NUTF2: variants seen among roughly 807,000 people sequenced by gnomAD.
NUTF2 encodes nuclear transport factor 2, also known as placental protein 15.
In NUTF2, 3 loss-of-function variants were observed where a neutral mutation model predicts 18.5. That is an observed-to-expected ratio of 0.16 (90% CI 0.07 to 0.42). The LOEUF is 0.42. Ranked by LOEUF, NUTF2 falls within the 10% of genes least tolerant of loss-of-function variation. NUTF2 has a pLI of 0.99. For synonymous variants in NUTF2, 51 were observed against 57.9 expected, an observed-to-expected ratio of 0.88 and a Z score of 0.54; for missense variants, 44 against 160.7, an observed-to-expected ratio of 0.27 and a Z score of 3.93.
intron 1 of NUTF2, among the ~76,000 whole-genome samples, chr16:67,849,913 C>T (rs2057840405): frequency 1.3e-5 from 2 of 151,934 alleles, no homozygotes; most frequent in Non-Finnish European, 2.9e-5. Context: ...CCGTCTCGGC[C>T]TCCCAAAGTG....
chr16:67,868,281 G>A (rs2057988064), intron 2 of NUTF2, 59 bp from the exon 3 acceptor site: 1 of 1,510,392 alleles, frequency 6.6e-7, no homozygotes, highest in Admixed American at 1.7e-5. Flanking sequence ...TCTTTCCAGG[G>A]CCTTAGAGAT....
intron 1 of NUTF2, among the ~76,000 whole-genome samples, chr16:67,850,147 A>G (rs563365369): frequency 6.6e-6 from 1 of 152,040 alleles, no homozygotes; most frequent in South Asian, 2.1e-4. Flanking sequence ...ACGTTACTCA[A>G]GAGTAGGAGG....
intron 1 of NUTF2, among the ~76,000 whole-genome samples, chr16:67,864,680 A>G (rs2057958336): frequency 6.6e-6 from 1 of 152,154 alleles, no homozygotes. Context: ...TAAAGTGGGA[A>G]GAATAGCAAT....
intron 1 of NUTF2, among the ~76,000 whole-genome samples, chr16:67,859,418 C>T (rs148405620): frequency 0.029 from 4,316 of 149,742 alleles, 197 homozygotes; most frequent in African/African-American, 0.099. Context: ...GGCACAATCT[C>T]GGTTCACCGC....
In NUTF2 at chr16:67,870,839, C is replaced by T. The variant is rs34777458; in HGVS notation, c.310C>T (p.Leu104=). The T allele has an allele frequency of 1.2e-3, 1,857 of 1,613,760 alleles. 24 individuals are homozygous for T. In the African/African-American group the frequency reaches 0.022, roughly 19 times the overall value. The change falls in exon 5 of 5, where the codon CTA becomes TTA. Residue 104 remains leucine (L), a synonymous_variant. Transcript: ENST00000219169. ...DPIMGFHQMF[L]LKNINDAWVC... ...CATCATGGGGTTCCACCAGATGTTC[C>T]TATTAAAGAACATCAACGATGCTTG... is the stretch of plus-strand genomic sequence containing the variant.
intron 4 of NUTF2, 99 bp from the exon 5 acceptor site, chr16:67,870,701 T>G: frequency 1.1e-6 from 1 of 898,450 alleles, no homozygotes. Flanking sequence ...CAGTAGGGCC[T>G]GATCCTAAAG....
chr16:67,864,961 TC>T, intron 1 of NUTF2, 140 bp from the exon 2 acceptor site: 1 of 576,960 alleles, frequency 1.7e-6, no homozygotes, highest in Non-Finnish European at 3.1e-6. Context: ...TCCTGCCAGT[TC>T]CCCAGGGCCT....
At chr16:67,858,343 T>C (rs2057912315) in intron 1 of NUTF2, among the ~76,000 whole-genome samples, 1 of 152,050 alleles carries the variant, frequency 6.6e-6, no homozygotes, top group African/African-American at 2.4e-5. Flanking sequence ...AGTTTTTGTA[T>C]TTTTAGTAGA....
chr16:67,862,258 G>C (rs769890403), intron 1 of NUTF2, among the ~76,000 whole-genome samples: 5 of 152,186 alleles, frequency 3.3e-5, no homozygotes, highest in Non-Finnish European at 7.3e-5. Context: ...GGTGAGCTTA[G>C]GGCAAGACCC....
chr16:67,854,880 T>G (rs2057884196), intron 1 of NUTF2, among the ~76,000 whole-genome samples: 1 of 152,034 alleles, frequency 6.6e-6, no homozygotes, highest in Non-Finnish European at 1.5e-5. Flanking sequence ...AGGCGGAGGT[T>G]GCGGTGAGCC....
intron 1 of NUTF2, among the ~76,000 whole-genome samples, chr16:67,858,962 G>A (rs1324570473): frequency 6.7e-6 from 1 of 150,138 alleles, no homozygotes; most frequent in Admixed American, 6.7e-5. Flanking sequence ...TCAGCCTCCC[G>A]AGTAACTGGG....
intron 1 of NUTF2, chr16:67,847,736 C>G (rs531632208): frequency 6.6e-6 from 1 of 152,512 alleles, no homozygotes; most frequent in Non-Finnish European, 1.5e-5. Context: ...TAGGCCCAGC[C>G]CACGCCCTTC....
At chr16:67,852,283 C>G (rs528026854) in intron 1 of NUTF2, among the ~76,000 whole-genome samples, 1 of 151,906 alleles carries the variant, frequency 6.6e-6, no homozygotes, top group East Asian at 1.9e-4. Flanking sequence ...CCTGGGGACA[C>G]TCTAGCAAGA....
intron 1 of NUTF2, among the ~76,000 whole-genome samples, chr16:67,855,784 T>C (rs1010154393): frequency 6.7e-6 from 1 of 149,956 alleles, no homozygotes; most frequent in East Asian, 2.0e-4. Flanking sequence ...ACCTGCTGAG[T>C]AGGTGCTCAG....
At chr16:67,864,143 G>A (rs974355808) in intron 1 of NUTF2, among the ~76,000 whole-genome samples, 8 of 152,178 alleles carry the variant, frequency 5.3e-5, no homozygotes, top group African/African-American at 1.9e-4. Flanking sequence ...AAAGGGCCAG[G>A]TCAGGTAATC....
intron 1 of NUTF2, among the ~76,000 whole-genome samples, chr16:67,853,649 C>T (rs1329292898): frequency 6.6e-6 from 1 of 152,132 alleles, no homozygotes; most frequent in East Asian, 1.9e-4. Flanking sequence ...GCCATTGTGC[C>T]TGGCCACACC....
chr16:67,851,295 A>C (rs1834249359), intron 1 of NUTF2, among the ~76,000 whole-genome samples: 3 of 151,580 alleles, frequency 2.0e-5, no homozygotes, highest in African/African-American at 4.8e-5. Context: ...AGCTTGGCCA[A>C]TATAGTGAAA....
chr16:67,848,891 C>A (rs531338769), intron 1 of NUTF2, among the ~76,000 whole-genome samples: 5 of 152,124 alleles, frequency 3.3e-5, no homozygotes, highest in Admixed American at 2.6e-4. Flanking sequence ...TTTTTTTCTT[C>A]CTCCTTGAAT....
At chr16:67,865,638 T>C (rs2057965445) in intron 2 of NUTF2, among the ~76,000 whole-genome samples, 1 of 152,036 alleles carries the variant, frequency 6.6e-6, no homozygotes, top group Admixed American at 6.6e-5. Context: ...TCCTGAATGC[T>C]CATGGAAAAC....
Sources: allele counts gnomAD v4.1 joint callset (sites outside exome capture counted in the v4.1 genomes callset), GRCh38; gene constraint gnomAD v4.1.1; transcripts MANE v1.5; gene names NCBI Gene and HGNC (gene_info 2026-07-23, HGNC 2026-07-21).